MBTPS2: variants seen among roughly 807,000 people sequenced by gnomAD.
MBTPS2 encodes membrane-bound transcription factor site-2 protease.
A neutral mutation model predicts 35.4 loss-of-function variants in MBTPS2; 2 were observed. The ratio of observed to expected loss-of-function variants is 0.06; its 90% confidence interval spans 0.02 to 0.18. The LOEUF is 0.18. MBTPS2 is among the 10% of genes least tolerant of loss of function. The pLI, the probability that MBTPS2 is intolerant of heterozygous loss-of-function variation, is 1.00. For synonymous variants in MBTPS2, 125 were observed against 140.4 expected (o/e 0.89, Z 0.77); for missense variants, 244 against 386.5 (o/e 0.63, Z 3.09).
chrX:21,871,888 T>A (rs2147449911), intron 7 of MBTPS2: 1 of 110,708 alleles, frequency 9.0e-6, no homozygotes, highest in East Asian at 2.8e-4. Flanking sequence ...GAATCCTTTT[T>A]TTTTGTTTGG....
intron 6 of MBTPS2, among the ~76,000 whole-genome samples, 168 bp downstream of exon 6, chrX:21,868,753 A>T (rs1055102880): frequency 8.9e-6 from 1 of 112,621 alleles, no homozygotes; most frequent in Non-Finnish European, 1.9e-5. Flanking sequence ...TGGGAAACAC[A>T]TTGGTTTTTT....
intron 3 of MBTPS2, among the ~76,000 whole-genome samples, chrX:21,846,021 T>C (rs936240775): frequency 1.8e-5 from 2 of 112,088 alleles, no homozygotes; most frequent in Admixed American, 1.9e-4. Context: ...TTTTTAATCA[T>C]GTTCTTATTA....
At position 21,845,151 on chromosome X, in the gene MBTPS2, A is replaced by T; in HGVS notation, c.225-20A>T. ...TTGAGAGAAATTGTAAATTAACATG[A>T]TTTTTTTCCCTTTTGACAGGTTCAA... On this transcript the variant is annotated intron_variant, in intron 2 of 10. Transcript: ENST00000379484. 8.3e-7 allele frequency: 1 copy of T among 1,209,455 alleles called. No homozygotes were observed. The highest frequency in any genetic ancestry group is 1.1e-6 in the Non-Finnish European group (1 of 893,606).
chrX:21,855,837 C>G (rs1385776573), intron 5 of MBTPS2: 1 of 102,417 alleles, frequency 9.8e-6, no homozygotes, highest in East Asian at 3.1e-4. Context: ...GGCGACGGAG[C>G]GAGACTCCGT....
chrX:21,851,503 GA>G lies in MBTPS2; in HGVS notation c.439-4del. 8.6e-7 allele frequency: 1 copy of G among 1,166,472 alleles called. No individual in the cohort carries two copies. The highest frequency in any genetic ancestry group is 1.2e-6 in the Non-Finnish European group (1 of 854,652). The stretch of plus-strand genomic sequence containing the variant: ...ATAATTGCTGCCATATTGTGTCTAT[GA>G]ACAGGTTCCTGGTATAAATTTACCC... On this transcript the variant is annotated splice_polypyrimidine_tract_variant and splice_region_variant and intron_variant, in intron 3 of 10. Transcript: ENST00000379484.
intron 1 of MBTPS2, among the ~76,000 whole-genome samples, chrX:21,842,432 GT>G (rs1239665715): frequency 6.4e-4 from 66 of 103,004 alleles, no homozygotes; most frequent in South Asian, 2.5e-3. Context: ...GATTGGTAGG[GT>G]TTTTTTTTTT....
At chrX:21,871,340 T>A (rs762453892) in intron 7 of MBTPS2, 1 of 112,227 alleles carries the variant, frequency 8.9e-6, no homozygotes, top group Non-Finnish European at 1.9e-5. Flanking sequence ...TTTCATAATA[T>A]CATATTTAAC....
chrX:21,867,188 ATT>A (rs2092941220), intron 5 of MBTPS2, among the ~76,000 whole-genome samples: 1 of 112,115 alleles, frequency 8.9e-6, no homozygotes, highest in African/African-American at 3.2e-5. Flanking sequence ...CAACAGCTTT[ATT>A]GTCACTGGAA....
intron 9 of MBTPS2, among the ~76,000 whole-genome samples, chrX:21,878,968 T>C (rs2092956051): frequency 9.0e-6 from 1 of 111,202 alleles, no homozygotes; most frequent in African/African-American, 3.3e-5. Flanking sequence ...ATAGGTGATC[T>C]CTCAGATGTC....
rs2092962096 is a variant in MBTPS2 at position 21,883,953 on chromosome X, T to C, written c.*1298T>C. On this transcript the variant is annotated 3_prime_UTR_variant, in exon 11 of 11. Coordinates refer to ENST00000379484, the MANE Select transcript of MBTPS2 (RefSeq NM_015884.4). The stretch of plus-strand genomic sequence containing the variant: ...AGCTTGCTGTTTCTTTGATGGAAAA[T>C]ACATGCTTCTCTTGTATACTCAGAA... 1 of 753,734 alleles carries C rather than the reference T, an allele frequency of 1.3e-6. No homozygotes were observed. The highest frequency in any genetic ancestry group is 1.6e-6 in the Non-Finnish European group (1 of 639,102). The allele number at this position is 753,734 out of a possible 1,213,427, so 62.1% of individuals were successfully genotyped here. A position where few individuals can be genotyped will look rare whatever the true frequency, so the allele number is the denominator to read the frequency against.
At position 21,868,194 on chromosome X, in the gene MBTPS2, G is replaced by A. The variant is rs187649940; in HGVS notation, c.671-273G>A. On this transcript the variant is annotated intron_variant, in intron 5 of 10. Transcript: ENST00000379484. ...ATTTTCTGAAAAGAGAGTATAATTA[G>A]TGGAAGATATTAGTTCTATCAGTAT... Among the ~76,000 whole-genome samples, 3 of 111,616 alleles carry A rather than the reference G, an allele frequency of 2.7e-5. No individual in the cohort carries two copies. In the East Asian group the frequency reaches 8.4e-4, roughly 31 times the overall value.
At chrX:21,864,399 A>T (rs1455952510) in intron 5 of MBTPS2, among the ~76,000 whole-genome samples, 1 of 111,492 alleles carries the variant, frequency 9.0e-6, no homozygotes, top group Non-Finnish European at 1.9e-5. Context: ...ACACCCAGCT[A>T]ATTTTTTATG....
chrX:21,871,219 TTAAAG>T (rs1406474230), intron 7 of MBTPS2: 4 of 113,065 alleles, frequency 3.5e-5, no homozygotes, highest in African/African-American at 1.3e-4. Flanking sequence ...TCTAATCTGT[TTAAAG>T]TAAATCAGTA....
At chrX:21,863,730 T>C (rs2092936141) in intron 5 of MBTPS2, among the ~76,000 whole-genome samples, 1 of 111,660 alleles carries the variant, frequency 9.0e-6, no homozygotes, top group Non-Finnish European at 1.9e-5. Context: ...CAGAGCTTAT[T>C]AAATGGTATA....
chrX:21,857,885 A>T, intron 5 of MBTPS2: 1 of 252,558 alleles, frequency 4.0e-6, no homozygotes, highest in Non-Finnish European at 7.3e-6. Flanking sequence ...TAGACTTCAC[A>T]TCAAGAGACG....
chrX:21,885,292 C>T lies in MBTPS2; in HGVS notation c.*2637C>T, dbSNP rs1194915805. 2.7e-6 allele frequency: 2 copies of T among 750,723 alleles called. No homozygotes were observed. Among genetic ancestry groups the T allele is most frequent in the Non-Finnish European group, 3.1e-6 (2 of 637,485 alleles). The allele number at this position is 750,723 out of a possible 1,213,427, so 61.9% of individuals were successfully genotyped here. ...TGAATGTTCACATACTAATGGTGCA[C>T]AGGTGTTTTTTTCTATAAATCTTCT... is the stretch of plus-strand genomic sequence containing the variant. On this transcript the variant is annotated 3_prime_UTR_variant, in exon 11 of 11. Coordinates refer to ENST00000379484, the MANE Select transcript of MBTPS2 (RefSeq NM_015884.4).
intron 10 of MBTPS2, among the ~76,000 whole-genome samples, chrX:21,881,609 A>G (rs1421611055): frequency 2.7e-5 from 3 of 111,747 alleles, no homozygotes; most frequent in South Asian, 3.8e-4. Flanking sequence ...GAAATGGAAA[A>G]CAAATGAGCA....
At chrX:21,840,112 A>G (rs749576157) in intron 1 of MBTPS2, among the ~76,000 whole-genome samples, 1 of 112,456 alleles carries the variant, frequency 8.9e-6, no homozygotes, top group African/African-American at 3.2e-5. Flanking sequence ...CAGCAGCTGC[A>G]GTGCAGCAGG....
intron 1 of MBTPS2, among the ~76,000 whole-genome samples, chrX:21,841,264 T>A (rs1049135845): frequency 9.0e-6 from 1 of 111,287 alleles, no homozygotes; most frequent in African/African-American, 3.3e-5. Flanking sequence ...CTACAAAAAA[T>A]TTAAAAGTTA....
Sources: gnomAD v4.1 joint callset for allele counts (sites outside exome capture counted in the v4.1 genomes callset) on GRCh38, gnomAD v4.1.1 for gene constraint, MANE v1.5 for transcripts, NCBI Gene and HGNC (gene_info 2026-07-23, HGNC 2026-07-21) for gene names.